Variants in INO80C observed in about 807,000 individuals in gnomAD.
INO80C encodes IES6 homolog.
In INO80C, 17 loss-of-function variants were observed where a neutral mutation model predicts 17.7. The observed-to-expected ratio is 0.96, with a 90% confidence interval of 0.66 to 1.44. The LOEUF is 1.44. Ranked by LOEUF, INO80C falls within the 40% of genes most tolerant of loss-of-function variation. The pLI is 0.00. For synonymous variants in INO80C, 96 were observed against 95.8 expected, an observed-to-expected ratio of 1.00 and a Z score of -0.01; for missense variants, 244 against 245.0, an observed-to-expected ratio of 1.00 and a Z score of 0.03.
At chr18:35,496,570 G>A (rs2045983322) in intron 1 of INO80C, among the ~76,000 whole-genome samples, 1 of 152,162 alleles carries the variant, frequency 6.6e-6, no homozygotes, top group South Asian at 2.1e-4. Context: ...GTTTTGTTTT[G>A]TTTTGTTTGC....
At chr18:35,471,779 G>T (rs535054606) in intron 4 of INO80C, among the ~76,000 whole-genome samples, 2 of 114,974 alleles carry the variant, frequency 1.7e-5, no homozygotes, top group African/African-American at 6.9e-5. Flanking sequence ...AACATTCCCC[G>T]GAGTGTGATG....
intron 1 of INO80C, among the ~76,000 whole-genome samples, chr18:35,495,453 A>G (rs1429146697): frequency 2.0e-5 from 3 of 152,170 alleles, no homozygotes; most frequent in Non-Finnish European, 4.4e-5. Flanking sequence ...AGTCAGGACA[A>G]AAGAAGGCAC....
rs773705677 is a variant in INO80C at position 35,497,698 on chromosome 18, C to A, written c.156+21G>T. 3.1e-6 allele frequency: 5 copies of A among 1,607,356 alleles called. No individual in the cohort carries two copies. In the South Asian group the frequency reaches 5.5e-5, roughly 18 times the overall value. ...CCCGTTTCGCGACGCGCACGCGCAG[C>A]CTGGGAGCGCGACTGCGTACCTGCG... On this transcript the variant is annotated intron_variant, in intron 1 of 4. Coordinates refer to ENST00000334598, the MANE Select transcript of INO80C (RefSeq NM_194281.4).
intron 4 of INO80C, 97 bp downstream of exon 4, chr18:35,478,185 G>A (rs2045759958): frequency 3.2e-6 from 3 of 930,924 alleles, no homozygotes; most frequent in Non-Finnish European, 5.0e-6. Flanking sequence ...CAGGCTCCAG[G>A]CAGGACCAGC....
At chr18:35,469,659 A>T (rs996158750) in intron 4 of INO80C, among the ~76,000 whole-genome samples, 2 of 152,142 alleles carry the variant, frequency 1.3e-5, no homozygotes, top group African/African-American at 2.4e-5. Context: ...CAGCAGCAAA[A>T]ATATTCCAGT....
At chr18:35,478,944 G>C (rs1389249620) in intron 3 of INO80C, 1 of 197,010 alleles carries the variant, frequency 5.1e-6, no homozygotes, top group Admixed American at 5.6e-5. Context: ...CTTTAAGCTG[G>C]TTGTCAGGAA....
At chr18:35,493,854 TAAG>T (rs1252321587) in intron 1 of INO80C, among the ~76,000 whole-genome samples, 2 of 152,214 alleles carry the variant, frequency 1.3e-5, no homozygotes, top group Non-Finnish European at 2.9e-5. Context: ...TGCCTTTACT[TAAG>T]AATCAAAATA....
intron 4 of INO80C, among the ~76,000 whole-genome samples, chr18:35,474,063 A>G (rs1027261823): frequency 1.3e-5 from 2 of 151,622 alleles, no homozygotes; most frequent in Non-Finnish European, 1.5e-5. Flanking sequence ...TTAAGAAAAA[A>G]GGCAGTCAAC....
chr18:35,477,347 AAT>A (rs1344517514), intron 4 of INO80C, among the ~76,000 whole-genome samples: 1 of 152,256 alleles, frequency 6.6e-6, no homozygotes, highest in Non-Finnish European at 1.5e-5. Context: ...CAGAACAATG[AAT>A]ATTATCAGGG....
intron 1 of INO80C, among the ~76,000 whole-genome samples, chr18:35,482,386 G>A (rs991326141): frequency 1.3e-5 from 2 of 152,172 alleles, no homozygotes; most frequent in Admixed American, 6.5e-5. Flanking sequence ...AGAGAGTATG[G>A]TGGAATATGA....
rs143619738 is a variant in INO80C at position 35,469,201 on chromosome 18, C to T, written c.448-459G>A. On this transcript the variant is annotated intron_variant, in intron 4 of 4. Coordinates refer to ENST00000334598, the MANE Select transcript of INO80C (RefSeq NM_194281.4). ...TTTCCAGCTCTTCCAACACCCCCTG[C>T]GCCACTTCCATGCCTCCCTGAGCAA... Among the ~76,000 whole-genome samples the T allele has an allele frequency of 1.3e-4, 20 of 152,354 alleles. No individual in the cohort carries two copies. In the East Asian group the frequency reaches 2.7e-3, roughly 21 times the overall value.
chr18:35,497,799 T>C lies in INO80C; in HGVS notation c.76A>G (p.Ser26Gly). 1 of 1,613,166 alleles carries C rather than the reference T, an allele frequency of 6.2e-7. No individual in the cohort carries two copies. Among genetic ancestry groups the C allele is most frequent in the Non-Finnish European group, 8.5e-7 (1 of 1,179,528 alleles). The change falls in exon 1 of 5, where the codon AGC (serine) becomes GGC (glycine). Residue 26 changes from serine (S) to glycine (G), a missense_variant. Transcript: ENST00000334598. ...CCGCTGCTGCCATTGTGGGAAGGGC[T>C]GGCCGGCCTCTTCTTGCTGTTCCGG... ...IVRNSKKRPA[S>G]PSHNGSSGGG...
At chr18:35,495,538 A>G (rs1281226806) in intron 1 of INO80C, among the ~76,000 whole-genome samples, 1 of 152,168 alleles carries the variant, frequency 6.6e-6, no homozygotes, top group African/African-American at 2.4e-5. Flanking sequence ...CCCAGAGGGA[A>G]TAGAGAGTTA....
chr18:35,472,013 T>A (rs1352025311), intron 4 of INO80C, among the ~76,000 whole-genome samples: 1 of 152,222 alleles, frequency 6.6e-6, no homozygotes, highest in African/African-American at 2.4e-5. Context: ...TGTTGGACAT[T>A]TGGGTTGGCT....
intron 1 of INO80C, among the ~76,000 whole-genome samples, chr18:35,488,548 C>G (rs1434639874): frequency 1.3e-5 from 2 of 152,190 alleles, no homozygotes; most frequent in African/African-American, 4.8e-5. Flanking sequence ...TCCCAGGCTG[C>G]GCACAGCAGA....
At chr18:35,493,701 C>G (rs898598478) in intron 1 of INO80C, among the ~76,000 whole-genome samples, 1 of 152,168 alleles carries the variant, frequency 6.6e-6, no homozygotes, top group Non-Finnish European at 1.5e-5. Context: ...TTAGAAACAG[C>G]AAGCATATTT....
rs1198254216 is a variant in INO80C, at chr18:35,479,336, C to A, written c.343G>T (p.Glu115Ter). 1.2e-6 allele frequency: 2 copies of A among 1,613,968 alleles called. No individual in the cohort carries two copies. The highest frequency in any genetic ancestry group is 4.5e-5 in the East Asian group (2 of 44,886). Residue 115 changes from glutamate to a stop codon, truncating the protein, a stop_gained, in exon 3 of 5, where the codon GAA becomes TAA. Coordinates refer to ENST00000334598, the MANE Select transcript of INO80C (RefSeq NM_194281.4). LOFTEE classifies it high-confidence loss of function. ...WKNLKQILAS[E>*]RALPWQLNDP... ...TTCAGTTGCCACGGCAATGCCCTTT[C>A]AGAAGCGAGGATTTGTTTCAGGTTC...
chr18:35,484,398 G>A (rs1439457354), intron 1 of INO80C, among the ~76,000 whole-genome samples: 1 of 152,126 alleles, frequency 6.6e-6, no homozygotes, highest in Non-Finnish European at 1.5e-5. Flanking sequence ...GAGAAGACTG[G>A]AAACAATGAA....
At chr18:35,476,561 C>T (rs1239618329) in intron 4 of INO80C, among the ~76,000 whole-genome samples, 2 of 151,946 alleles carry the variant, frequency 1.3e-5, no homozygotes, top group Non-Finnish European at 2.9e-5. Flanking sequence ...TCAATAAATC[C>T]AGAGAAGGCA....
Sources: allele counts gnomAD v4.1 joint callset (sites outside exome capture counted in the v4.1 genomes callset), GRCh38; gene constraint gnomAD v4.1.1; transcripts MANE v1.5; gene names NCBI Gene and HGNC (gene_info 2026-07-23, HGNC 2026-07-21).